Variants in IDH3A observed in about 807,000 individuals in gnomAD.
IDH3A encodes isocitrate dehydrogenase [NAD] subunit alpha, mitochondrial.
In IDH3A, 23 loss-of-function variants were observed where a neutral mutation model predicts 43.3. The ratio of observed to expected loss-of-function variants is 0.53; its 90% confidence interval spans 0.38 to 0.75. The LOEUF (loss-of-function observed/expected upper bound fraction) is 0.75, where lower values mean the gene tolerates loss of function less well. Ranked by LOEUF, IDH3A falls within the 30% of genes least tolerant of loss-of-function variation. IDH3A has a pLI of 0.00. For synonymous variants in IDH3A, 154 were observed against 163.5 expected (o/e 0.94, Z 0.44); for missense variants, 329 against 474.4 (o/e 0.69, Z 2.85).
intron 6 of IDH3A, among the ~76,000 whole-genome samples, chr15:78,162,568 C>T (rs1168442970): frequency 1.1e-4 from 14 of 132,504 alleles, no homozygotes; most frequent in Admixed American, 1.6e-4. Flanking sequence ...TTTTTTGAGA[C>T]GGAGTCTCTT....
At chr15:78,164,304 T>TCC (rs572499493) in intron 8 of IDH3A, among the ~76,000 whole-genome samples, 9 of 140,580 alleles carry the variant, frequency 6.4e-5, no homozygotes, top group East Asian at 2.1e-4. Flanking sequence ...TCTCTCTCTC[T>TCC]CCCCCCCCGA....
At position 78,149,414 on chromosome 15, in the gene IDH3A, C is replaced by T. The variant is rs775466955; in HGVS notation, c.11C>T (p.Pro4Leu). Residue 4 changes from proline to leucine, a missense_variant, in exon 1 of 11, where the codon CCC becomes CTC. Around this residue, in one of 3 missense-constraint regions of IDH3A, gnomAD observed 26 missense variants for 17.2 expected, o/e 1.51. Coordinates refer to ENST00000299518, the MANE Select transcript of IDH3A (RefSeq NM_005530.3). MAGPAWISKVSRLL... is the reference protein window; with the variant it reads MAGLAWISKVSRLL... ...CCAGGAGGGGAAGCGATGGCTGGGC[C>T]CGCGTGGATCTCTAAGGTGAGCGCT... 1.1e-5 allele frequency: 17 copies of T among 1,552,874 alleles called. 1 individual carries two copies. Among genetic ancestry groups the T allele is most frequent in the African/African-American group, 2.8e-5 (2 of 70,898 alleles).
chr15:78,169,045 G>A lies in IDH3A; in HGVS notation c.*40G>A, dbSNP rs2074787243. ...GCATTTACATCAGTCACTCTAAATG[G>A]ACACCACATGAACCTCTGTTTAGAA... is the stretch of plus-strand genomic sequence containing the variant. On this transcript the variant is annotated 3_prime_UTR_variant, in exon 11 of 11. Coordinates refer to ENST00000299518, the MANE Select transcript of IDH3A (RefSeq NM_005530.3). The A allele has an allele frequency of 8.1e-7, 1 of 1,236,714 alleles. No individual in the cohort carries two copies. Among genetic ancestry groups the A allele is most frequent in the Admixed American group, 1.7e-5 (1 of 57,984 alleles). The allele number at this position is 1,236,714 out of a possible 1,614,324, so 76.6% of individuals were successfully genotyped here.
At chr15:78,162,392 C>T in intron 6 of IDH3A, 25 bp downstream of exon 6, 2 of 1,610,320 alleles carry the variant, frequency 1.2e-6, no homozygotes, top group African/African-American at 1.3e-5. Context: ...GGGGCCGGCA[C>T]CCCATCTTGC....
In IDH3A at chr15:78,162,214, T is replaced by C; in HGVS notation, c.478-20T>C. ...TGCTGTCACACTCTTTCCAGCAAGGTGGGACTTCCTGTCTTGCAGATTGTT... is the reference window on the plus strand; with the variant it reads ...TGCTGTCACACTCTTTCCAGCAAGGCGGGACTTCCTGTCTTGCAGATTGTT... On this transcript the variant is annotated intron_variant, in intron 5 of 10. Transcript: ENST00000299518. 1.2e-6 allele frequency: 2 copies of C among 1,613,908 alleles called. No homozygotes were observed. Among genetic ancestry groups the C allele is most frequent in the Non-Finnish European group, 1.7e-6 (2 of 1,179,870 alleles).
Position 78,169,988 on chromosome 15 carries a change from C to T in IDH3A, c.*983C>T, listed in dbSNP as rs2074800022. On this transcript the variant is annotated 3_prime_UTR_variant, in exon 11 of 11. Transcript: ENST00000299518. ...TGCTATTAATTTTGTATTTCAGCAA[C>T]TGCCCCTTCTCCTATCCCAAAGCAC... 1 of 152,260 alleles carries T rather than the reference C, an allele frequency of 6.6e-6. No homozygotes were observed. Among genetic ancestry groups the T allele is most frequent in the South Asian group, 2.1e-4 (1 of 4,834 alleles). The allele number at this position is 152,260 out of a possible 1,614,324, so 9.4% of individuals were successfully genotyped here.
In IDH3A at chr15:78,171,627, G is replaced by C; in HGVS notation, c.*2622G>C. The stretch of plus-strand genomic sequence containing the variant: ...CACACTCAGTCCTATATATAACTCA[G>C]GAATTAAGCCAGATAATCAGGACCG... On this transcript the variant is annotated 3_prime_UTR_variant, in exon 11 of 11. Coordinates refer to ENST00000299518, the MANE Select transcript of IDH3A (RefSeq NM_005530.3). The C allele has an allele frequency of 4.0e-6, 4 of 999,872 alleles. No homozygotes were observed. In the Admixed American group the frequency reaches 8.1e-5, roughly 20 times the overall value. The allele number at this position is 999,872 out of a possible 1,614,324, so 61.9% of individuals were successfully genotyped here.
At chr15:78,166,639 T>C (rs754187021) in intron 10 of IDH3A, among the ~76,000 whole-genome samples, 1 of 152,134 alleles carries the variant, frequency 6.6e-6, no homozygotes, top group African/African-American at 2.4e-5. Context: ...CCAAGTTCAT[T>C]GATTTTTTTT....
chr15:78,149,393 G>T lies in IDH3A; in HGVS notation c.-11G>T. On this transcript the variant is annotated 5_prime_UTR_variant, in exon 1 of 11. Coordinates refer to ENST00000299518, the MANE Select transcript of IDH3A (RefSeq NM_005530.3). ...GCTGCGGCTGTTGCTGCGGAGCCAG[G>T]AGGGGAAGCGATGGCTGGGCCCGCG... 6.5e-7 allele frequency: 1 copy of T among 1,546,288 alleles called. No homozygotes were observed.
At position 78,166,307 on chromosome 15, in the gene IDH3A, C is replaced by T. The variant is rs2074742339; in HGVS notation, c.1017+5C>T. ...GCTACAATTAAGGACGGAAAGGTAA[C>T]AGGAATCTTGATTTACTTGTGCTGG... On this transcript the variant is annotated splice_donor_5th_base_variant and intron_variant, in intron 10 of 10. Transcript: ENST00000299518. 5 of 1,613,778 alleles carry T rather than the reference C, an allele frequency of 3.1e-6. No individual in the cohort carries two copies. The South Asian group carries it at 5.5e-5, about 18-fold the overall frequency.
At chr15:78,149,464 G>A (rs1413637793) in intron 1 of IDH3A, 34 bp downstream of exon 1, 4 of 1,517,740 alleles carry the variant, frequency 2.6e-6, no homozygotes, top group South Asian at 1.2e-5. Context: ...TGGCAGGCAG[G>A]CAGGCCGCGA....
intron 4 of IDH3A, among the ~76,000 whole-genome samples, chr15:78,160,451 A>C (rs778460281): frequency 2.0e-5 from 3 of 152,046 alleles, no homozygotes; most frequent in Non-Finnish European, 4.4e-5. Context: ...ATCTTCAACT[A>C]TATATATCTT....
chr15:78,163,821 A>C (rs761544475), intron 8 of IDH3A, 41 bp downstream of exon 8: 2 of 1,232,952 alleles, frequency 1.6e-6, no homozygotes, highest in Non-Finnish European at 2.4e-6. Flanking sequence ...CCTATGATTT[A>C]CTTATAAACA....
intron 8 of IDH3A, among the ~76,000 whole-genome samples, chr15:78,164,306 C>CG (rs2074715056): frequency 1.3e-5 from 2 of 150,954 alleles, no homozygotes; most frequent in South Asian, 4.3e-4. Flanking sequence ...TCTCTCTCTC[C>CG]CCCCCCGACA....
intron 1 of IDH3A, chr15:78,151,283 T>G (rs2074571956): frequency 6.6e-6 from 1 of 152,190 alleles, no homozygotes; most frequent in African/African-American, 2.4e-5. Context: ...TGAGTTTCCA[T>G]TTCAGGTTGT....
intron 9 of IDH3A, 169 bp from the exon 10 acceptor site, chr15:78,165,981 G>A (rs1455896647): frequency 9.6e-6 from 6 of 626,394 alleles, no homozygotes; most frequent in African/African-American, 7.4e-5. Context: ...GAGCTATCAC[G>A]CCCAACCCAG....
At chr15:78,167,294 G>T (rs1014916370) in intron 10 of IDH3A, among the ~76,000 whole-genome samples, 1 of 152,186 alleles carries the variant, frequency 6.6e-6, no homozygotes, top group African/African-American at 2.4e-5. Flanking sequence ...GGTACAGAGA[G>T]AATAAATAAT....
At chr15:78,162,142 G>A in intron 5 of IDH3A, 92 bp from the exon 6 acceptor site, 2 of 1,387,316 alleles carry the variant, frequency 1.4e-6, no homozygotes, top group Non-Finnish European at 2.0e-6. Flanking sequence ...GTGCAGGCCT[G>A]CCACAAATGT....
At chr15:78,162,609 G>A (rs12439733) in intron 6 of IDH3A, among the ~76,000 whole-genome samples, 1 of 147,140 alleles carries the variant, frequency 6.8e-6, no homozygotes, top group South Asian at 2.2e-4. Context: ...GCAGTGGCGC[G>A]ATCTTGGCTC....
Sources: allele counts gnomAD v4.1 joint callset (sites outside exome capture counted in the v4.1 genomes callset), GRCh38; gene constraint gnomAD v4.1.1; regional missense constraint gnomAD v4.1.1; transcripts MANE v1.5; gene names NCBI Gene and HGNC (gene_info 2026-07-23, HGNC 2026-07-21).